Variants in SIK3 observed in about 807,000 individuals in gnomAD.
The protein encoded by SIK3 is serine/threonine-protein kinase SIK3.
A neutral mutation model predicts 144.2 loss-of-function variants in SIK3; 28 were observed. The ratio of observed to expected loss-of-function variants is 0.19; its 90% CI spans 0.14 to 0.27. The LOEUF (loss-of-function observed/expected upper bound fraction) is 0.27. Ranked by LOEUF, SIK3 falls within the 10% of genes least tolerant of loss-of-function variation. SIK3 has a pLI of 1.00. For missense variants in SIK3, 1,319 were observed against 1,776.0 expected (o/e 0.74, Z 4.62); for synonymous variants, 686 against 676.3 (o/e 1.01, Z -0.22).
rs375443010 is a variant in SIK3, at chr11:116,870,312, C to T, written c.1808+19G>A. 4 of 1,614,058 alleles carry T rather than the reference C, an allele frequency of 2.5e-6. No homozygotes were observed. The highest frequency in any genetic ancestry group is 3.4e-6 in the Non-Finnish European group (4 of 1,180,012). ...GCCTGCCCAGGGGCTTCTGCAAGCA[C>T]TGCCAGATGTCACATTACCTCTGCA... is the stretch of plus-strand genomic sequence containing the variant. On this transcript the variant is annotated intron_variant, in intron 14 of 24. Coordinates refer to ENST00000445177, the MANE Select transcript of SIK3 (RefSeq NM_001366686.3).
intron 1 of SIK3, among the ~76,000 whole-genome samples, chr11:117,040,707 G>A (rs74603899): frequency 6.6e-6 from 1 of 152,062 alleles, no homozygotes; most frequent in Non-Finnish European, 1.5e-5. Flanking sequence ...ACTTACCATG[G>A]AAGACTGGTG....
chr11:116,868,226 CT>C (rs1217174128), intron 14 of SIK3, 137 bp from the exon 15 acceptor site: 1 of 1,120,916 alleles, frequency 8.9e-7, no homozygotes, highest in African/African-American at 1.5e-5. Context: ...AAACAGATCC[CT>C]GCCTGGATGG....
chr11:116,977,398 G>A (rs1949985179), intron 1 of SIK3, among the ~76,000 whole-genome samples: 1 of 152,086 alleles, frequency 6.6e-6, no homozygotes. Context: ...TCTTAGGTGA[G>A]TTGGGCTCTT....
rs1261980544 is a variant in SIK3, at chr11:117,098,398, C to T, written c.18G>A (p.Ala6=). 14 of 1,153,558 alleles carry T rather than the reference C, an allele frequency of 1.2e-5. No individual in the cohort carries two copies. Among genetic ancestry groups the T allele is most frequent in the East Asian group, 4.1e-5 (1 of 24,286 alleles). The allele number at this position is 1,153,558 out of a possible 1,614,324, so 71.5% of individuals were successfully genotyped here. MAAAA[A]SGAGGAAGAG... ...CCCCGGCAGCCCCGCCAGCTCCGCTCGCCGCCGCCGCCGCCATCTTGTTGT... is the reference window on the plus strand; with the variant it reads ...CCCCGGCAGCCCCGCCAGCTCCGCTTGCCGCCGCCGCCGCCATCTTGTTGT... Residue 6 remains alanine, a synonymous_variant, in exon 1 of 25, where the codon GCG becomes GCA. Transcript: ENST00000445177.
chr11:116,939,144 CT>C (rs1476835928), intron 3 of SIK3, among the ~76,000 whole-genome samples: 6 of 152,080 alleles, frequency 3.9e-5, no homozygotes, highest in Admixed American at 6.6e-5. Flanking sequence ...TTTGCAACTT[CT>C]TTTTTGTTTT....
intron 22 of SIK3, 83 bp from the exon 23 acceptor site, chr11:116,847,691 G>A (rs1942088649): frequency 5.0e-6 from 8 of 1,584,874 alleles, no homozygotes; most frequent in Non-Finnish European, 6.9e-6. Context: ...TCCTTCTGAA[G>A]GAGCCCAGGC....
intron 6 of SIK3, among the ~76,000 whole-genome samples, chr11:116,892,109 TG>T (rs533478537): frequency 2.1e-3 from 316 of 152,344 alleles, no homozygotes; most frequent in African/African-American, 7.1e-3. Context: ...TACTTGGATA[TG>T]TCGCCCTAGA....
chr11:116,858,086 G>A lies in SIK3; in HGVS notation c.3379C>T (p.Pro1127Ser). 1 of 1,614,028 alleles carries A rather than the reference G, an allele frequency of 6.2e-7. No individual in the cohort carries two copies. Among genetic ancestry groups the A allele is most frequent in the Non-Finnish European group, 8.5e-7 (1 of 1,179,946 alleles). Reference protein sequence around the residue: ...ECVSQASSPTPPHGYAHQPAL... With the variant: ...ECVSQASSPTSPHGYAHQPAL... ...GGCTGGTGAGCATACCCGTGGGGCG[G>A]GGTGGGTGAGGAAGCCTGTGAGACA... is the stretch of plus-strand genomic sequence containing the variant. The change falls in exon 21 of 25, where the codon CCG (proline) becomes TCG (serine). Residue 1127 changes from proline (P) to serine (S), a missense_variant. By Grantham distance (74) the Pro-to-Ser change is moderately conservative. This residue lies in a region of SIK3 where 646 missense variants were observed against 763.7 expected (regional missense o/e 0.85). Transcript: ENST00000445177. This position sits in a 1 kb window ranked among gnomAD's most constrained non-coding sequence, Gnocchi z 5.4.
At chr11:117,056,777 A>G (rs1953556200) in intron 1 of SIK3, among the ~76,000 whole-genome samples, 1 of 152,164 alleles carries the variant, frequency 6.6e-6, no homozygotes, top group South Asian at 2.1e-4. Context: ...GGCTGTGCAT[A>G]TATACCAACC....
intron 1 of SIK3, among the ~76,000 whole-genome samples, chr11:117,060,307 C>G (rs1006505661): frequency 3.9e-5 from 6 of 152,124 alleles, no homozygotes; most frequent in African/African-American, 1.4e-4. Context: ...GTAAAAAGAT[C>G]AGTGATTGGC....
chr11:116,926,153 T>C (rs1478908560), intron 4 of SIK3, among the ~76,000 whole-genome samples: 2 of 152,244 alleles, frequency 1.3e-5, no homozygotes, highest in Non-Finnish European at 2.9e-5. Context: ...TTGCCTTTTC[T>C]AGACAATTAC....
rs1951368964 is a variant in SIK3 at position 117,013,687 on chromosome 11, C to T, written c.274-56623G>A. ...GCATCACCATGGCTAAAAATGTATACTTTTAGCTTTAAAAAAAAAATGCTT... is the reference window on the plus strand; with the variant it reads ...GCATCACCATGGCTAAAAATGTATATTTTTAGCTTTAAAAAAAAAATGCTT... On this transcript the variant is annotated intron_variant, in intron 1 of 24. Transcript: ENST00000445177. Among the ~76,000 whole-genome samples the T allele has an allele frequency of 2.0e-5, 3 of 151,550 alleles. No individual in the cohort carries two copies. In the South Asian group the frequency reaches 6.3e-4, roughly 32 times the overall value.
intron 1 of SIK3, among the ~76,000 whole-genome samples, chr11:117,021,962 C>T (rs1187388519): frequency 2.9e-5 from 2 of 68,170 alleles, no homozygotes; most frequent in Non-Finnish European, 6.3e-5. Flanking sequence ...AAAAAAAAAA[C>T]CTAAAAATAA....
Position 116,927,393 on chromosome 11 carries a change from A to C in SIK3, c.455-13T>G. The C allele has an allele frequency of 6.2e-7, 1 of 1,609,266 alleles. No individual in the cohort carries two copies. The highest frequency in any genetic ancestry group is 8.5e-7 in the Non-Finnish European group (1 of 1,177,732). On this transcript the variant is annotated splice_polypyrimidine_tract_variant and intron_variant, in intron 3 of 24. Coordinates refer to ENST00000445177, the MANE Select transcript of SIK3 (RefSeq NM_001366686.3). ...GCCACCAGGTGGTCTGTGTTGAAGA[A>C]GAATACAGTCAGTTTTCATTTTGGA...
At chr11:116,864,734 T>A (rs1236806995) in intron 15 of SIK3, 1 of 152,124 alleles carries the variant, frequency 6.6e-6, no homozygotes, top group Non-Finnish European at 1.5e-5. Flanking sequence ...AGGATCAGGG[T>A]TTCATGTCCA....
intron 1 of SIK3, among the ~76,000 whole-genome samples, chr11:117,060,400 C>CA (rs1953739257): frequency 6.6e-6 from 1 of 151,926 alleles, no homozygotes; most frequent in Non-Finnish European, 1.5e-5. Flanking sequence ...AGTTCGAGAC[C>CA]AACCTGGCCA....
intron 1 of SIK3, among the ~76,000 whole-genome samples, chr11:117,038,229 G>A (rs1952594851): frequency 6.6e-6 from 1 of 152,088 alleles, no homozygotes; most frequent in Non-Finnish European, 1.5e-5. Flanking sequence ...TGTTTTCTCA[G>A]CCTCATCTGA....
chr11:117,006,711 G>GTTAAAT (rs1951063005), intron 1 of SIK3, among the ~76,000 whole-genome samples: 1 of 152,056 alleles, frequency 6.6e-6, no homozygotes, highest in Non-Finnish European at 1.5e-5. Flanking sequence ...GAAAGCATGG[G>GTTAAAT]GGTAGGAGGT....
chr11:116,949,422 T>C (rs1948829079), intron 3 of SIK3, among the ~76,000 whole-genome samples: 2 of 152,260 alleles, frequency 1.3e-5, no homozygotes, highest in South Asian at 4.1e-4. Flanking sequence ...TTGTTTTGAA[T>C]AATGCCCTGG....
Sources: allele counts gnomAD v4.1 joint callset (sites outside exome capture counted in the v4.1 genomes callset), GRCh38; gene constraint gnomAD v4.1.1; regional missense constraint gnomAD v4.1.1; non-coding constraint Gnocchi (gnomAD v3.1); transcripts MANE v1.5; gene names NCBI Gene and HGNC (gene_info 2026-07-23, HGNC 2026-07-21).